KCMF1: variants seen among roughly 807,000 people sequenced by gnomAD.
The protein encoded by KCMF1 is E3 ubiquitin-protein ligase KCMF1.
In KCMF1, 3 loss-of-function variants were observed where a neutral mutation model predicts 41.1. The ratio of observed to expected loss-of-function variants is 0.07; its 90% CI spans 0.03 to 0.19. The LOEUF (loss-of-function observed/expected upper bound fraction) is 0.19, where lower values mean the gene tolerates loss of function less well. Ranked by LOEUF, KCMF1 falls within the 10% of genes least tolerant of loss-of-function variation. The pLI is 1.00. For synonymous variants in KCMF1, 142 were observed against 164.5 expected (o/e 0.86, Z 1.04); for missense variants, 286 against 488.9 (o/e 0.58, Z 3.91).
At chr2:84,973,947 C>T (rs1347091107) in intron 1 of KCMF1, among the ~76,000 whole-genome samples, 3 of 151,680 alleles carry the variant, frequency 2.0e-5, no homozygotes, top group Non-Finnish European at 2.9e-5. Context: ...CCTGCCTCAG[C>T]CTCCCAAGTA....
At chr2:85,030,115 T>A (rs1201719186) in intron 2 of KCMF1, among the ~76,000 whole-genome samples, 4 of 152,310 alleles carry the variant, frequency 2.6e-5, no homozygotes, top group African/African-American at 9.6e-5. Flanking sequence ...GAGCATCTTT[T>A]CTTGTGCTTA....
At chr2:85,041,277 A>G (rs1472182829) in intron 3 of KCMF1, among the ~76,000 whole-genome samples, 2 of 152,248 alleles carry the variant, frequency 1.3e-5, no homozygotes, top group African/African-American at 4.8e-5. Flanking sequence ...GATTTTGAGT[A>G]TAGAACCAAA....
intron 1 of KCMF1, among the ~76,000 whole-genome samples, chr2:84,982,654 C>T (rs1254310302): frequency 1.3e-5 from 2 of 152,004 alleles, no homozygotes; most frequent in Admixed American, 6.6e-5. Context: ...CTGCCTTCGC[C>T]ACCCAAAGTG....
rs1675855569 is a variant in KCMF1, at chr2:85,053,456, T to G, written c.*47T>G. The G allele has an allele frequency of 1.3e-6, 2 of 1,546,298 alleles. No individual in the cohort carries two copies. Among genetic ancestry groups the G allele is most frequent in the African/African-American group, 2.7e-5 (2 of 72,814 alleles). On this transcript the variant is annotated 3_prime_UTR_variant, in exon 7 of 7. Coordinates refer to ENST00000409785, the MANE Select transcript of KCMF1 (RefSeq NM_020122.5). ...ATGTCCTCTGTGCTGTATTTGCCAA[T>G]GAAAGTGGACAACAACTATCTTGGG...
chr2:84,981,469 G>A (rs558715550), intron 1 of KCMF1, among the ~76,000 whole-genome samples: 8 of 152,164 alleles, frequency 5.3e-5, no homozygotes, highest in Admixed American at 2.0e-4. Flanking sequence ...GATTACAGGC[G>A]TGAGCCACCG....
At chr2:85,022,773 A>G (rs1234789746) in intron 1 of KCMF1, among the ~76,000 whole-genome samples, 1 of 152,124 alleles carries the variant, frequency 6.6e-6, no homozygotes, top group Non-Finnish European at 1.5e-5. Context: ...CTTAAACCCC[A>G]GAGGGAGCCA....
intron 1 of KCMF1, among the ~76,000 whole-genome samples, chr2:84,995,132 C>T (rs913127944): frequency 1.3e-5 from 2 of 151,976 alleles, no homozygotes; most frequent in African/African-American, 4.8e-5. Context: ...AGCAATTCTC[C>T]TGCCTCAGCC....
chr2:85,047,317 T>TA (rs999307536), intron 5 of KCMF1, among the ~76,000 whole-genome samples: 2 of 152,208 alleles, frequency 1.3e-5, no homozygotes, highest in Admixed American at 1.3e-4. Flanking sequence ...TTTTATAAGG[T>TA]ATAGCTAACA....
intron 1 of KCMF1, among the ~76,000 whole-genome samples, chr2:85,000,085 T>C (rs1674289453): frequency 6.6e-6 from 1 of 152,214 alleles, no homozygotes; most frequent in African/African-American, 2.4e-5. Context: ...ATTTAATTTT[T>C]ACAACATAGA....
intron 1 of KCMF1, among the ~76,000 whole-genome samples, chr2:84,997,077 T>A (rs1187214868): frequency 1.3e-5 from 2 of 152,230 alleles, no homozygotes; most frequent in Non-Finnish European, 2.9e-5. Context: ...TATGATCTTA[T>A]GAGACTGCCG....
chr2:85,005,433 C>T (rs7594404), intron 1 of KCMF1, among the ~76,000 whole-genome samples: 80 of 151,720 alleles, frequency 5.3e-4, no homozygotes, highest in African/African-American at 1.8e-3. Context: ...GGACTACAGG[C>T]GCCCACCACC....
At position 85,056,125 on chromosome 2, in the gene KCMF1, AATCCACAG is replaced by A. The variant is rs1262406025; in HGVS notation, c.*2718_*2725del. ...TGCATTGTTTTGTTAAAAAAAAAAAAATCCACAGAAGTAGAACCTAGGTTTGCTACTAA... is the reference window on the plus strand; with the variant it reads ...TGCATTGTTTTGTTAAAAAAAAAAAAAAGTAGAACCTAGGTTTGCTACTAA... On this transcript the variant is annotated 3_prime_UTR_variant, in exon 7 of 7. Coordinates refer to ENST00000409785, the MANE Select transcript of KCMF1 (RefSeq NM_020122.5). The A allele has an allele frequency of 6.6e-6, 1 of 152,022 alleles. No individual in the cohort carries two copies. The highest frequency in any genetic ancestry group is 2.4e-5 in the African/African-American group (1 of 41,352). 9.4% of individuals were successfully genotyped at this position (152,022 alleles called of 1,614,324 possible). A position where few individuals can be genotyped will look rare whatever the true frequency, so the allele number is the denominator to read the frequency against.
At chr2:85,043,769 C>CA (rs1675598794) in intron 4 of KCMF1, 104 bp downstream of exon 4, 5 of 781,774 alleles carry the variant, frequency 6.4e-6, no homozygotes, top group Non-Finnish European at 6.6e-6. Context: ...TGGCTGGTCT[C>CA]AAACTCCTGA....
intron 1 of KCMF1, among the ~76,000 whole-genome samples, chr2:85,012,389 T>C (rs1674674156): frequency 6.6e-6 from 1 of 152,230 alleles, no homozygotes; most frequent in African/African-American, 2.4e-5. Flanking sequence ...TAAAAACTTT[T>C]AAATTTTGTA....
chr2:84,990,174 G>A (rs548251926), intron 1 of KCMF1, among the ~76,000 whole-genome samples: 5 of 152,328 alleles, frequency 3.3e-5, no homozygotes, highest in African/African-American at 1.2e-4. Flanking sequence ...CAAAGGAGTG[G>A]GCTGGACCCA....
At chr2:85,003,284 T>C (rs1206636007) in intron 1 of KCMF1, among the ~76,000 whole-genome samples, 3 of 151,958 alleles carry the variant, frequency 2.0e-5, no homozygotes, top group Non-Finnish European at 4.4e-5. Flanking sequence ...CCATTCTGGC[T>C]AACACGGTGA....
At chr2:85,004,196 C>T (rs893467911) in intron 1 of KCMF1, among the ~76,000 whole-genome samples, 13 of 152,096 alleles carry the variant, frequency 8.5e-5, no homozygotes, top group Non-Finnish European at 1.5e-4. Context: ...CTGTTGACCA[C>T]GGATAACTGA....
At chr2:85,031,414 TA>T (rs1184977377) in intron 2 of KCMF1, among the ~76,000 whole-genome samples, 1 of 152,250 alleles carries the variant, frequency 6.6e-6, no homozygotes, top group Non-Finnish European at 1.5e-5. Flanking sequence ...ATGCTTTTTT[TA>T]TCTTATAGTG....
intron 1 of KCMF1, among the ~76,000 whole-genome samples, chr2:84,982,127 C>T (rs1673773054): frequency 6.6e-6 from 1 of 152,082 alleles, no homozygotes. Flanking sequence ...TAGAAAAGAG[C>T]TAAAGGGATT....
Sources: gnomAD v4.1 joint callset for allele counts (sites outside exome capture counted in the v4.1 genomes callset) on GRCh38, gnomAD v4.1.1 for gene constraint, MANE v1.5 for transcripts, NCBI Gene and HGNC (gene_info 2026-07-23, HGNC 2026-07-21) for gene names.